Variants in CLCN5 observed in about 807,000 individuals in gnomAD.
The protein encoded by CLCN5 is H(+)/Cl(-) exchange transporter 5.
In CLCN5, 17 loss-of-function variants were observed where a neutral mutation model predicts 54.0. The observed-to-expected ratio is 0.31, with a 90% CI of 0.22 to 0.47. CLCN5 has a LOEUF of 0.47. Ranked by LOEUF, CLCN5 falls within the 20% of genes least tolerant of loss-of-function variation. The pLI is 1.00. For synonymous variants in CLCN5, 222 were observed against 233.0 expected, an observed-to-expected ratio of 0.95 and a Z score of 0.43; for missense variants, 448 against 646.7, an observed-to-expected ratio of 0.69 and a Z score of 3.33.
intron 3 of CLCN5, among the ~76,000 whole-genome samples, chrX:49,930,518 G>A (rs1557168709): frequency 2.7e-5 from 3 of 111,657 alleles, no homozygotes; most frequent in African/African-American, 9.8e-5. Flanking sequence ...GTTCTATTTA[G>A]TAACACAGAA....
At chrX:49,997,599 C>T (rs1025539839) in intron 3 of CLCN5, among the ~76,000 whole-genome samples, 7 of 111,062 alleles carry the variant, frequency 6.3e-5, no homozygotes, top group African/African-American at 2.3e-4. Context: ...AGTCATAGCT[C>T]ACTGCAGTCT....
chrX:49,959,351 C>T (rs1171291107), intron 3 of CLCN5, among the ~76,000 whole-genome samples: 4 of 112,349 alleles, frequency 3.6e-5, no homozygotes, highest in Admixed American at 9.4e-5. Context: ...ATTGCTTTCT[C>T]GGCATCCTAA....
chrX:49,949,420 G>A lies in CLCN5; in HGVS notation c.16+24106G>A, dbSNP rs1300888090. ...ATTGATGCCCCTTTGTATTAATGCT[G>A]ATGTCCTGTAATTCTTAACCTTGCT... On this transcript the variant is annotated intron_variant, in intron 3 of 14. Coordinates refer to ENST00000376091, the MANE Select transcript of CLCN5 (RefSeq NM_001127898.4). Among the ~76,000 whole-genome samples, 3 of 112,418 alleles carry A rather than the reference G, an allele frequency of 2.7e-5. No homozygotes were observed. The East Asian group carries it at 8.4e-4, about 31-fold the overall frequency.
chrX:50,066,480 G>A (rs1933028215), intron 4 of CLCN5, among the ~76,000 whole-genome samples: 1 of 111,933 alleles, frequency 8.9e-6, no homozygotes, highest in East Asian at 2.8e-4. Flanking sequence ...CTATTTCAAA[G>A]CTCTACACAT....
At position 50,086,002 on chromosome X, in the gene CLCN5, C is replaced by T. The variant is rs1933870664; in HGVS notation, c.956C>T (p.Ala319Val). Residue 319 changes from alanine to valine, a missense_variant, in exon 10 of 15, where the codon GCT becomes GTT. Ala to Val is a moderately conservative substitution (Grantham distance 64). Coordinates refer to ENST00000376091, the MANE Select transcript of CLCN5 (RefSeq NM_001127898.4). Reference sequence around the variant, plus strand: ...TAGGTCTTGTCGGCTGCAGCAGCAGCTGGTGTATCTGTAGCCTTTGGAGCA... The same window carrying T: ...TAGGTCTTGTCGGCTGCAGCAGCAGTTGGTGTATCTGTAGCCTTTGGAGCA... ...RREVLSAAAA[A>V]GVSVAFGAPI... is the part of the protein sequence containing the mutation. The T allele has an allele frequency of 8.3e-7, 1 of 1,208,392 alleles. No individual in the cohort carries two copies. The highest frequency in any genetic ancestry group is 1.1e-6 in the Non-Finnish European group (1 of 893,447).
chrX:50,004,155 T>C (rs1162508059), intron 3 of CLCN5, among the ~76,000 whole-genome samples: 4 of 111,710 alleles, frequency 3.6e-5, no homozygotes, highest in African/African-American at 1.3e-4. Flanking sequence ...ACCCAGGATT[T>C]GCAGCCGATT....
chrX:50,009,891 C>T (rs782776744), intron 3 of CLCN5: 3 of 337,741 alleles, frequency 8.9e-6, no homozygotes, highest in South Asian at 8.2e-5. Flanking sequence ...CTCATTCATT[C>T]TTTCCTTCCA....
intron 7 of CLCN5, among the ~76,000 whole-genome samples, chrX:50,077,491 G>A (rs1376081915): frequency 1.9e-5 from 2 of 106,897 alleles, no homozygotes; most frequent in Non-Finnish European, 3.9e-5. Flanking sequence ...CTCTGCTCCC[G>A]GGTACCCTGT....
chrX:49,952,596 C>A (rs1707542309), intron 3 of CLCN5, among the ~76,000 whole-genome samples: 1 of 110,155 alleles, frequency 9.1e-6, no homozygotes, highest in Admixed American at 9.7e-5. Context: ...CAGAGGACAC[C>A]TGTACAGTTA....
chrX:50,000,244 T>C (rs1413284942), intron 3 of CLCN5, among the ~76,000 whole-genome samples: 1 of 110,068 alleles, frequency 9.1e-6, no homozygotes, highest in Admixed American at 9.7e-5. Context: ...AGTTGCCCCA[T>C]TGCATCCAGC....
Position 50,090,283 on chromosome X carries a change from C to T in CLCN5, c.1912C>T (p.Pro638Ser). ...TGCCCACATCCGTCTCAATGGATAC[C>T]CCTTTCTTGAAGCCAAAGAAGAGTT... Reference protein sequence around the residue: ...YDAHIRLNGYPFLEAKEEFAH... With the variant: ...YDAHIRLNGYSFLEAKEEFAH... The change falls in exon 13 of 15, where the codon CCC (proline) becomes TCC (serine). Residue 638 changes from proline (P) to serine (S), a missense_variant. Transcript: ENST00000376091. 8.3e-7 allele frequency: 1 copy of T among 1,211,200 alleles called. No individual in the cohort carries two copies. Among genetic ancestry groups the T allele is most frequent in the Non-Finnish European group, 1.1e-6 (1 of 895,017 alleles).
intron 4 of CLCN5, among the ~76,000 whole-genome samples, chrX:50,047,100 A>T (rs184159856): frequency 9.0e-4 from 100 of 111,718 alleles, no homozygotes; most frequent in Non-Finnish European, 1.4e-3. Context: ...AAATTGCAAA[A>T]CATTTCTATT....
rs1557194620 is a variant in CLCN5, at chrX:50,090,484, G to T, written c.2113G>T (p.Val705Phe). ...GGAGTCCCAAAGACTTGTGGGCTTT[G>T]TCCTCCGAAGAGATCTCATTATTTC... ...SRESQRLVGFVLRRDLIISIE... is the reference protein window; with the variant it reads ...SRESQRLVGFFLRRDLIISIE... The change falls in exon 13 of 15, where the codon GTC (valine) becomes TTC (phenylalanine). Residue 705 changes from valine (V) to phenylalanine (F), a missense_variant. Physicochemically the swap from Val to Phe is conservative, Grantham distance 50. This residue lies in a region of CLCN5 where 297 missense variants were observed against 470.4 expected (regional missense o/e 0.63). Coordinates refer to ENST00000376091, the MANE Select transcript of CLCN5 (RefSeq NM_001127898.4). The T allele has an allele frequency of 8.3e-7, 1 of 1,207,810 alleles. No homozygotes were observed.
intron 6 of CLCN5, among the ~76,000 whole-genome samples, chrX:50,073,739 T>G (rs1274811214): frequency 7.2e-5 from 8 of 111,767 alleles, no homozygotes; most frequent in African/African-American, 2.6e-4. Flanking sequence ...AGGAGCCAGA[T>G]AGTAAATATT....
intron 7 of CLCN5, among the ~76,000 whole-genome samples, chrX:50,076,563 C>T (rs1933411767): frequency 9.0e-6 from 1 of 111,155 alleles, no homozygotes; most frequent in African/African-American, 3.3e-5. Context: ...TTCTCTGTCA[C>T]CCAGGCTGGA....
At chrX:50,000,604 T>A (rs782041113) in intron 3 of CLCN5, among the ~76,000 whole-genome samples, 1 of 111,875 alleles carries the variant, frequency 8.9e-6, no homozygotes, top group South Asian at 3.8e-4. Context: ...AGCTTTAGGG[T>A]TCAGTGGTTA....
At chrX:49,971,435 G>T (rs887826503) in intron 3 of CLCN5, among the ~76,000 whole-genome samples, 2 of 109,334 alleles carry the variant, frequency 1.8e-5, no homozygotes, top group African/African-American at 6.6e-5. Flanking sequence ...ACTTTGTCTT[G>T]TTCCTGATTT....
At chrX:49,954,676 G>A (rs190645227) in intron 3 of CLCN5, among the ~76,000 whole-genome samples, 1 of 111,256 alleles carries the variant, frequency 9.0e-6, no homozygotes, top group African/African-American at 3.3e-5. Context: ...ACACACAGGC[G>A]GCCAAGGCTC....
intron 3 of CLCN5, among the ~76,000 whole-genome samples, chrX:50,035,945 A>C (rs782304899): frequency 8.9e-6 from 1 of 112,223 alleles, no homozygotes; most frequent in Non-Finnish European, 1.9e-5. Context: ...GTAATCCTCT[A>C]GTTGGGAAAA....
Sources: allele counts gnomAD v4.1 joint callset (sites outside exome capture counted in the v4.1 genomes callset), GRCh38; gene constraint gnomAD v4.1.1; regional missense constraint gnomAD v4.1.1; transcripts MANE v1.5; gene names NCBI Gene and HGNC (gene_info 2026-07-23, HGNC 2026-07-21).